Variants in FSTL5 observed in about 807,000 individuals in gnomAD.
FSTL5 encodes follistatin-related protein 5.
Under a neutral mutation model 89.1 loss-of-function variants are expected in FSTL5, and 62 were observed. The ratio of observed to expected loss-of-function variants is 0.70; its 90% CI spans 0.57 to 0.86. The LOEUF (loss-of-function observed/expected upper bound fraction) is 0.86, where lower values mean the gene tolerates loss of function less well. Among genes scored for constraint, FSTL5 ranks in the 40% least tolerant of loss-of-function variants. The probability of loss-of-function intolerance (pLI) is 0.00; values close to 1 mark genes in which losing one functional copy is unlikely to be tolerated. For missense variants in FSTL5, 1,057 were observed against 1,001.6 expected, an observed-to-expected ratio of 1.06 and a Z score of -0.75; for synonymous variants, 383 against 346.2, an observed-to-expected ratio of 1.11 and a Z score of -1.18.
chr4:161,625,825 A>T (rs1406087347), intron 7 of FSTL5, among the ~76,000 whole-genome samples: 1 of 152,134 alleles, frequency 6.6e-6, no homozygotes, highest in African/African-American at 2.4e-5. Flanking sequence ...AACACACAAA[A>T]AATAACAAAG....
chr4:161,594,924 A>G (rs1239822933), intron 7 of FSTL5, among the ~76,000 whole-genome samples: 4 of 152,038 alleles, frequency 2.6e-5, no homozygotes, highest in Non-Finnish European at 5.9e-5. Context: ...AAAAGGCCCC[A>G]TCATTAATCC....
At chr4:161,500,845 A>C (rs1730268278) in intron 11 of FSTL5, among the ~76,000 whole-genome samples, 1 of 152,030 alleles carries the variant, frequency 6.6e-6, no homozygotes, top group Admixed American at 6.6e-5. Context: ...TCCATGTCTA[A>C]ATGGGTGCAG....
At chr4:161,874,581 T>TTTTTTA (rs3047063) in intron 4 of FSTL5, among the ~76,000 whole-genome samples, 1 of 150,126 alleles carries the variant, frequency 6.7e-6, no homozygotes, top group Non-Finnish European at 1.5e-5. Flanking sequence ...TTTTTTTTTT[T>TTTTTTA]ACTTTCTTAC....
intron 4 of FSTL5, among the ~76,000 whole-genome samples, chr4:161,797,227 A>G (rs553828364): frequency 2.2e-4 from 33 of 151,534 alleles, no homozygotes; most frequent in African/African-American, 7.5e-4. Context: ...ATGTTTTGAG[A>G]TTTCTGAGGG....
intron 7 of FSTL5, among the ~76,000 whole-genome samples, chr4:161,617,438 G>C (rs1461418290): frequency 6.6e-6 from 1 of 152,092 alleles, no homozygotes; most frequent in Non-Finnish European, 1.5e-5. Context: ...TACCAAAGGA[G>C]ACAAAGATAA....
chr4:162,140,199 C>T (rs891738866), intron 1 of FSTL5, among the ~76,000 whole-genome samples: 9 of 152,028 alleles, frequency 5.9e-5, no homozygotes, highest in African/African-American at 2.2e-4. Context: ...TAGGCACAAT[C>T]ACTTTAAAAT....
At chr4:161,428,803 G>A (rs1162479945) in intron 15 of FSTL5, among the ~76,000 whole-genome samples, 1 of 152,128 alleles carries the variant, frequency 6.6e-6, no homozygotes, top group African/African-American at 2.4e-5. Flanking sequence ...ATTCCCAGCT[G>A]TGGTGCCTAC....
intron 3 of FSTL5, among the ~76,000 whole-genome samples, chr4:161,922,133 T>C (rs1734010477): frequency 6.6e-6 from 1 of 152,032 alleles, no homozygotes; most frequent in Non-Finnish European, 1.5e-5. Flanking sequence ...ATATTTCTGA[T>C]AGCAGTGAAA....
At chr4:161,681,059 G>C (rs1294935202) in intron 6 of FSTL5, among the ~76,000 whole-genome samples, 1 of 152,076 alleles carries the variant, frequency 6.6e-6, no homozygotes, top group South Asian at 2.1e-4. Context: ...TTACATGAGC[G>C]AGTAGCTGTG....
chr4:162,057,480 A>G (rs1180557839), intron 2 of FSTL5, among the ~76,000 whole-genome samples: 1 of 152,222 alleles, frequency 6.6e-6, no homozygotes, highest in African/African-American at 2.4e-5. Context: ...TAGTTTTTGC[A>G]TTGGGCATAA....
At chr4:161,718,515 G>C (rs1251473437) in intron 6 of FSTL5, among the ~76,000 whole-genome samples, 1 of 151,604 alleles carries the variant, frequency 6.6e-6, no homozygotes, top group African/African-American at 2.4e-5. Flanking sequence ...TGCAACCTCC[G>C]CCTCCCAGGT....
intron 3 of FSTL5, among the ~76,000 whole-genome samples, chr4:161,958,258 TATA>T (rs1735078015): frequency 6.6e-6 from 1 of 152,092 alleles, no homozygotes. Context: ...TAAAATAAGT[TATA>T]ATATTTCTTT....
intron 3 of FSTL5, among the ~76,000 whole-genome samples, chr4:161,951,891 A>T (rs1448187770): frequency 6.6e-6 from 1 of 151,976 alleles, no homozygotes; most frequent in Non-Finnish European, 1.5e-5. Flanking sequence ...TCTTAGCATA[A>T]TTCTCAAGTA....
intron 2 of FSTL5, among the ~76,000 whole-genome samples, chr4:162,043,762 T>G (rs1738066552): frequency 6.6e-6 from 1 of 152,166 alleles, no homozygotes; most frequent in Non-Finnish European, 1.5e-5. Context: ...AACCCTTTGT[T>G]GTCATTTCAA....
At chr4:161,525,346 T>C (rs1260648263) in intron 10 of FSTL5, among the ~76,000 whole-genome samples, 2 of 152,158 alleles carry the variant, frequency 1.3e-5, no homozygotes, top group African/African-American at 4.8e-5. Context: ...AGAACTTTTA[T>C]TATCCTAACA....
Position 161,538,248 on chromosome 4 carries a change from T to C in FSTL5, c.1230A>G (p.Ala410=). ...CTTCATTCTTTGCGATACAAGTGTA[T>C]GCTCCAGTATCTTCATAGCGCACAT... ...ISNVRYEDTG[A]YTCIAKNEAG... Residue 410 remains alanine (A), a synonymous_variant, in exon 10 of 16, where the codon GCA becomes GCG. Coordinates refer to ENST00000306100, the MANE Select transcript of FSTL5 (RefSeq NM_020116.5). 1.2e-6 allele frequency: 2 copies of C among 1,614,042 alleles called. No individual in the cohort carries two copies. The highest frequency in any genetic ancestry group is 1.1e-5 in the South Asian group (1 of 91,084).
At chr4:161,842,029 C>T (rs964940847) in intron 4 of FSTL5, among the ~76,000 whole-genome samples, 9 of 152,074 alleles carry the variant, frequency 5.9e-5, no homozygotes, top group East Asian at 1.9e-4. Flanking sequence ...AGCGAGGACA[C>T]CTTGTGACAT....
At chr4:162,015,680 A>G (rs1360760374) in intron 3 of FSTL5, among the ~76,000 whole-genome samples, 1 of 152,192 alleles carries the variant, frequency 6.6e-6, no homozygotes, top group African/African-American at 2.4e-5. Context: ...GTGAAAACAA[A>G]TAACTAACTA....
At chr4:162,121,086 T>C (rs185114052) in intron 1 of FSTL5, among the ~76,000 whole-genome samples, 1 of 151,894 alleles carries the variant, frequency 6.6e-6, no homozygotes, top group East Asian at 1.9e-4. Flanking sequence ...ATATATATAA[T>C]TTTGAATTTG....
Sources: gnomAD v4.1 joint callset for allele counts (sites outside exome capture counted in the v4.1 genomes callset) on GRCh38, gnomAD v4.1.1 for gene constraint, MANE v1.5 for transcripts, NCBI Gene and HGNC (gene_info 2026-07-23, HGNC 2026-07-21) for gene names.